LEPR: variants seen among roughly 807,000 people sequenced by gnomAD.
LEPR encodes leptin receptor.
In LEPR, 56 loss-of-function variants were observed where a neutral mutation model predicts 114.7. The ratio of observed to expected loss-of-function variants is 0.49; its 90% CI spans 0.39 to 0.61. The LOEUF is 0.61. Among genes scored for constraint, LEPR ranks in the 20% least tolerant of loss-of-function variants. The pLI is 0.00. For missense variants in LEPR, 1,202 were observed against 1,352.9 expected, an observed-to-expected ratio of 0.89 and a Z score of 1.75; for synonymous variants, 443 against 461.4, an observed-to-expected ratio of 0.96 and a Z score of 0.51.
chr1:65,613,187 T>C (rs928553626), intron 14 of LEPR, among the ~76,000 whole-genome samples: 2 of 152,250 alleles, frequency 1.3e-5, no homozygotes, highest in African/African-American at 4.8e-5. Flanking sequence ...TGTAATCCAA[T>C]ACTACTTTAT....
At chr1:65,571,326 C>G (rs906257565) in intron 4 of LEPR, among the ~76,000 whole-genome samples, 2 of 151,364 alleles carry the variant, frequency 1.3e-5, no homozygotes, top group African/African-American at 4.9e-5. Context: ...GCACATGTAC[C>G]CCTGAACTAA....
chr1:65,629,331 G>A, intron 19 of LEPR: 1 of 446,262 alleles, frequency 2.2e-6, no homozygotes. Context: ...TTTTCCTTAA[G>A]TCAGGGTTGA....
chr1:65,602,471 T>G (rs997248634), intron 10 of LEPR, among the ~76,000 whole-genome samples: 1 of 152,046 alleles, frequency 6.6e-6, no homozygotes, highest in African/African-American at 2.4e-5. Flanking sequence ...AAGTAATTTG[T>G]GCTTGTTTAT....
At chr1:65,504,746 A>G (rs1648637439) in intron 2 of LEPR, among the ~76,000 whole-genome samples, 1 of 152,206 alleles carries the variant, frequency 6.6e-6, no homozygotes, top group South Asian at 2.1e-4. Context: ...TGAATAAAGT[A>G]TGGACATTAA....
intron 2 of LEPR, among the ~76,000 whole-genome samples, chr1:65,464,724 A>G (rs1646987898): frequency 6.6e-6 from 1 of 152,134 alleles, no homozygotes; most frequent in Admixed American, 6.5e-5. Flanking sequence ...GTCTATTCAG[A>G]GATTCAACTT....
Position 65,592,770 on chromosome 1 carries a change from C to T in LEPR, c.608C>T (p.Ala203Val), listed in dbSNP as rs1320530136. ...GAATGTCTTGTGCCTGTGCCAACAG[C>T]CAAACTCAACGACACTCTCCTTATG... The part of the protein sequence containing the change: ...CCECLVPVPT[A>V]KLNDTLLMCL... The change falls in exon 6 of 20, where the codon GCC becomes GTC. Residue 203 changes from alanine to valine, a missense_variant. Physicochemically the swap from Ala to Val is moderately conservative, Grantham distance 64. Transcript: ENST00000349533. The T allele has an allele frequency of 1.2e-6, 2 of 1,613,198 alleles. No homozygotes were observed. The highest frequency in any genetic ancestry group is 1.7e-6 in the Non-Finnish European group (2 of 1,179,490).
chr1:65,496,241 T>C (rs1022462335), intron 2 of LEPR, among the ~76,000 whole-genome samples: 1 of 152,332 alleles, frequency 6.6e-6, no homozygotes, highest in South Asian at 2.1e-4. Flanking sequence ...ACCCCAAAGA[T>C]AATTATCTCC....
Position 65,503,046 on chromosome 1 carries a change from C to T in LEPR, c.-20-62500C>T, listed in dbSNP as rs550271975. 8.6e-5 allele frequency among the ~76,000 whole-genome samples: 13 copies of T among 151,994 alleles called. 1 individual carries two copies. In the South Asian group the frequency reaches 2.3e-3, roughly 27 times the overall value. ...GACAGAGAGACAAAGAGAAAGATGC[C>T]AGTCTGAAAAGGCTACACACTGTAT... On this transcript the variant is annotated intron_variant, in intron 2 of 19. Coordinates refer to ENST00000349533, the MANE Select transcript of LEPR (RefSeq NM_002303.6).
At chr1:65,429,465 T>C (rs567251433) in intron 2 of LEPR, among the ~76,000 whole-genome samples, 1 of 152,336 alleles carries the variant, frequency 6.6e-6, no homozygotes, top group East Asian at 1.9e-4. Flanking sequence ...TTCTAAGCTC[T>C]TAAAAGGTTT....
chr1:65,527,818 G>A (rs775235780), intron 2 of LEPR, among the ~76,000 whole-genome samples: 7 of 152,276 alleles, frequency 4.6e-5, no homozygotes, highest in Middle Eastern at 3.4e-3. Context: ...AGTCATCTCC[G>A]TTGAAACAGA....
intron 2 of LEPR, among the ~76,000 whole-genome samples, chr1:65,472,762 G>T (rs1348147612): frequency 6.6e-6 from 1 of 152,050 alleles, no homozygotes; most frequent in Admixed American, 6.6e-5. Context: ...TCTCTACCTT[G>T]TCCGGCTTCT....
At chr1:65,559,901 T>C (rs1216321180) in intron 2 of LEPR, among the ~76,000 whole-genome samples, 1 of 140,646 alleles carries the variant, frequency 7.1e-6, no homozygotes, top group Non-Finnish European at 1.6e-5. Flanking sequence ...TTCTGTTCCA[T>C]TGATCTATAT....
At chr1:65,433,223 GCTT>G in intron 2 of LEPR, 1 of 985,374 alleles carries the variant, frequency 1.0e-6, no homozygotes, top group African/African-American at 1.7e-5. Flanking sequence ...TACGGCTCTG[GCTT>G]CTTCCCGAAG....
At chr1:65,479,055 A>G (rs1263874241) in intron 2 of LEPR, among the ~76,000 whole-genome samples, 3 of 152,224 alleles carry the variant, frequency 2.0e-5, no homozygotes, top group Non-Finnish European at 2.9e-5. Context: ...CAGTCTTATA[A>G]AGAATTTCCA....
rs537927411 is a variant in LEPR, at chr1:65,622,591, T to A, written c.2598-315T>A. 2.0e-5 allele frequency among the ~76,000 whole-genome samples: 3 copies of A among 152,336 alleles called. No individual in the cohort carries two copies. The South Asian group carries it at 6.2e-4, about 32-fold the overall frequency. On this transcript the variant is annotated intron_variant, in intron 18 of 19. Transcript: ENST00000349533. Reference sequence around the variant, plus strand: ...TGATGGGGCCACATCAAATGGAATTTTTTCTGGTACCCACTTTGTGACCAT... The same window carrying A: ...TGATGGGGCCACATCAAATGGAATTATTTCTGGTACCCACTTTGTGACCAT...
At chr1:65,506,415 A>AG (rs1383684233) in intron 2 of LEPR, among the ~76,000 whole-genome samples, 1 of 152,168 alleles carries the variant, frequency 6.6e-6, no homozygotes, top group East Asian at 1.9e-4. Context: ...ATTTCACTGG[A>AG]GATCTGATGG....
chr1:65,625,228 A>G (rs1053939490), intron 19 of LEPR, among the ~76,000 whole-genome samples: 3 of 152,198 alleles, frequency 2.0e-5, no homozygotes, highest in African/African-American at 7.2e-5. Context: ...TTTTCTTACC[A>G]TATGAGAAAT....
intron 2 of LEPR, among the ~76,000 whole-genome samples, chr1:65,427,061 G>A (rs901853840): frequency 4.6e-5 from 7 of 151,998 alleles, no homozygotes; most frequent in African/African-American, 1.7e-4. Flanking sequence ...TTATGACAGT[G>A]ATGAATTCAA....
At chr1:65,428,169 A>G (rs1265687560) in intron 2 of LEPR, among the ~76,000 whole-genome samples, 1 of 152,166 alleles carries the variant, frequency 6.6e-6, no homozygotes, top group Non-Finnish European at 1.5e-5. Flanking sequence ...CCCCTGGCCT[A>G]TGTATTTATT....
Sources: allele counts gnomAD v4.1 joint callset (sites outside exome capture counted in the v4.1 genomes callset), GRCh38; gene constraint gnomAD v4.1.1; transcripts MANE v1.5; gene names NCBI Gene and HGNC (gene_info 2026-07-23, HGNC 2026-07-21).